The following C2 variants were observed in gnomAD, a reference collection of about 807,000 sequenced individuals.
C2 encodes complement C2, also known as C3/C5 convertase.
C2 carries 64 observed loss-of-function variants against 85.2 expected under a neutral mutation model. That is an observed-to-expected ratio of 0.75 (90% CI 0.61 to 0.92). C2 has a LOEUF of 0.92. Ranked by LOEUF, C2 falls within the 40% of genes least tolerant of loss-of-function variation. The pLI, the probability that C2 is intolerant of heterozygous loss-of-function variation, is 0.00. For synonymous variants in C2, 311 were observed against 370.8 expected, an observed-to-expected ratio of 0.84 and a Z score of 1.85; for missense variants, 820 against 971.6, an observed-to-expected ratio of 0.84 and a Z score of 2.07.
chr6:31,906,362 T>C (rs569395190), intron 1 of C2, among the ~76,000 whole-genome samples: 3 of 151,938 alleles, frequency 2.0e-5, no homozygotes, highest in Non-Finnish European at 2.9e-5. Context: ...CAGAGCTCCT[T>C]ATCCCTAGCT....
chr6:31,943,938 G>T lies in C2; in HGVS notation c.1755G>T (p.Thr585=), dbSNP rs755079799. 1.9e-6 allele frequency: 3 copies of T among 1,612,920 alleles called. No homozygotes were observed. In the East Asian group the frequency reaches 6.7e-5, roughly 36 times the overall value. ...CCAGGCCCATCTGCCTTCCCTGCACGATGGAGGCCAATCTGGCTCTGCGGA... is the reference window on the plus strand; with the variant it reads ...CCAGGCCCATCTGCCTTCCCTGCACTATGGAGGCCAATCTGGCTCTGCGGA... ...THARPICLPC[T]MEANLALRRP... The change falls in exon 14 of 18, where the codon ACG becomes ACT. Residue 585 remains threonine, a synonymous_variant. Coordinates refer to ENST00000299367, the MANE Select transcript of C2 (RefSeq NM_000063.6). The surrounding 1 kb of genome is among the most constrained non-coding windows in gnomAD (Gnocchi z 6.4).
intron 9 of C2, 48 bp from the exon 10 acceptor site, chr6:31,942,911 G>A: frequency 1.9e-6 from 3 of 1,611,340 alleles, no homozygotes; most frequent in Middle Eastern, 1.8e-4. Context: ...GTCTCATGGG[G>A]TAGCCCCAAA....
In C2 at chr6:31,942,051, C is replaced by T. The variant is rs528291340; in HGVS notation, c.1220-908C>T. Among the ~76,000 whole-genome samples the T allele has an allele frequency of 5.3e-5, 8 of 150,510 alleles. No individual in the cohort carries two copies. The South Asian group carries it at 1.5e-3, about 28-fold the overall frequency. On this transcript the variant is annotated intron_variant, in intron 9 of 17. Transcript: ENST00000299367. ...CAGGCTGGTCTTGAATTCCTGACCT[C>T]GTGATCTGCCCGCCTCAGCCTCCCA...
upstream of C2, among the ~76,000 whole-genome samples, chr6:31,926,612 G>A (rs531211361): frequency 4.8e-4 from 72 of 151,518 alleles, 2 homozygotes; most frequent in South Asian, 0.013. Flanking sequence ...GATTACAGGC[G>A]TGAGTCACTG....
At chr6:31,916,380 G>A (rs760028318), upstream of C2, among the ~76,000 whole-genome samples, 3 of 151,978 alleles carry the variant, frequency 2.0e-5, no homozygotes, top group South Asian at 2.1e-4. Flanking sequence ...CCAACACGAC[G>A]AAACCCTGTC....
At chr6:31,937,220 AAAT>A in intron 7 of C2, 96 bp from the exon 8 acceptor site, 1 of 1,403,296 alleles carries the variant, frequency 7.1e-7, no homozygotes, top group Non-Finnish European at 1.0e-6. Context: ...AAAAAAAAAA[AAAT>A]TGCATTTCCA....
chr6:31,928,259 T>A, intron 2 of C2, 95 bp downstream of exon 2: 2 of 1,161,820 alleles, frequency 1.7e-6, no homozygotes, highest in Admixed American at 2.0e-5. Context: ...TTAACCTGAC[T>A]AGATGGCAAA....
At chr6:31,926,614 G>A (rs1209142135), upstream of C2, among the ~76,000 whole-genome samples, 1 of 151,290 alleles carries the variant, frequency 6.6e-6, no homozygotes, top group Non-Finnish European at 1.5e-5. Context: ...TTACAGGCGT[G>A]AGTCACTGTG....
At chr6:31,937,280 G>C in intron 7 of C2, 39 bp from the exon 8 acceptor site, 4 of 1,610,428 alleles carry the variant, frequency 2.5e-6, no homozygotes, top group Non-Finnish European at 3.4e-6. Context: ...TGGTAGGTGG[G>C]AAGTTTCTAA....
At chr6:31,934,590 G>A (rs932831158) in intron 6 of C2, 2 of 1,433,250 alleles carry the variant, frequency 1.4e-6, no homozygotes, top group African/African-American at 1.4e-5. Flanking sequence ...CAGAAAGGTA[G>A]TGAGATAACC....
intron 5 of C2, 42 bp downstream of exon 5, chr6:31,934,007 G>T (rs373345541): frequency 1.3e-6 from 2 of 1,583,696 alleles, no homozygotes; most frequent in Admixed American, 1.7e-5. Context: ...CAGGGTGCTG[G>T]ATCTGGGCCG....
chr6:31,940,633 C>T (rs763079317), intron 9 of C2, among the ~76,000 whole-genome samples: 3 of 152,152 alleles, frequency 2.0e-5, no homozygotes, highest in Admixed American at 2.0e-4. Context: ...ACCTGGCCCT[C>T]GGGGGTAAGC....
chr6:31,937,249 G>A (rs1244709613), intron 7 of C2, 70 bp from the exon 8 acceptor site: 3 of 1,470,998 alleles, frequency 2.0e-6, no homozygotes, highest in Non-Finnish European at 2.9e-6. Context: ...TGGGGGAATA[G>A]AGTGATTCCC....
At chr6:31,909,114 G>A (rs932491213) in intron 1 of C2, among the ~76,000 whole-genome samples, 25 of 151,962 alleles carry the variant, frequency 1.6e-4, no homozygotes, top group African/African-American at 5.3e-4. Context: ...TACATGTTCT[G>A]GGGCTGGCCT....
upstream of C2, among the ~76,000 whole-genome samples, chr6:31,925,131 G>C (rs1187039614): frequency 6.6e-6 from 1 of 152,180 alleles, no homozygotes; most frequent in African/African-American, 2.4e-5. Flanking sequence ...ATCAGCAGAA[G>C]AACCTTCTGG....
At chr6:31,899,894 G>T (rs781556691), upstream of C2, 3 of 1,537,062 alleles carry the variant, frequency 2.0e-6, no homozygotes, top group African/African-American at 4.1e-5. Context: ...CAGCCCAGGG[G>T]CCCCAGCCTC....
intron 9 of C2, among the ~76,000 whole-genome samples, chr6:31,940,709 C>A (rs1770811034): frequency 6.6e-6 from 1 of 152,152 alleles, no homozygotes; most frequent in South Asian, 2.1e-4. Flanking sequence ...TCCTCCTTAG[C>A]ATCACTGGAC....
chr6:31,900,187 G>T, upstream of C2: 1 of 1,614,224 alleles, frequency 6.2e-7, no homozygotes, highest in Non-Finnish European at 8.5e-7. This position sits in a 1 kb window ranked among gnomAD's most constrained non-coding sequence, Gnocchi z 9.7. Flanking sequence ...GGCGGTTGAG[G>T]TTGCTGCTGT....
At chr6:31,937,608 C>A in intron 8 of C2, 149 bp downstream of exon 8, 1 of 928,316 alleles carries the variant, frequency 1.1e-6, no homozygotes, top group East Asian at 2.5e-5. Context: ...GCTATGTTGC[C>A]CAGCTGATCT....
Sources: allele counts gnomAD v4.1 joint callset (sites outside exome capture counted in the v4.1 genomes callset), GRCh38; gene constraint gnomAD v4.1.1; non-coding constraint Gnocchi (gnomAD v3.1); transcripts MANE v1.5; gene names NCBI Gene and HGNC (gene_info 2026-07-23, HGNC 2026-07-21).